Variants in PROX1 observed in about 807,000 individuals in gnomAD.
The protein encoded by PROX1 is prospero homeobox protein 1.
In PROX1, 7 loss-of-function variants were observed where a neutral mutation model predicts 58.8. That is an observed-to-expected ratio of 0.12 (90% CI 0.07 to 0.22). PROX1 has a LOEUF of 0.22. PROX1 is among the 10% of genes least tolerant of loss of function. The pLI is 1.00. For missense variants in PROX1, 675 were observed against 927.8 expected (o/e 0.73, Z 3.54); for synonymous variants, 350 against 358.3 (o/e 0.98, Z 0.26).
Position 213,998,047 on chromosome 1 carries a change from C to A in PROX1, c.1512C>A (p.Phe504Leu). 1.2e-6 allele frequency: 2 copies of A among 1,612,238 alleles called. No homozygotes were observed. The highest frequency in any genetic ancestry group is 1.7e-6 in the Non-Finnish European group (2 of 1,178,888). The change falls in exon 2 of 5, where the codon TTC (phenylalanine) becomes TTA (leucine). Residue 504 changes from phenylalanine (F) to leucine (L), a missense_variant. Phe to Leu is a conservative substitution (Grantham distance 22). Coordinates refer to ENST00000366958, the MANE Select transcript of PROX1 (RefSeq NM_001270616.2). ...QSPLGAPSGS[F>L]SGKDRASPES... Reference sequence around the variant, plus strand: ...CATTAGGTGCTCCCTCCGGCTCCTTCTCTGGAAAAGACAGAGCCTCTCCTG... The same window carrying A: ...CATTAGGTGCTCCCTCCGGCTCCTTATCTGGAAAAGACAGAGCCTCTCCTG...
rs1231912476 is a variant in PROX1 at position 214,040,327 on chromosome 1, G to GTCT, written c.*4495_*4497dup. The GTCT allele has an allele frequency of 4.6e-5, 7 of 152,158 alleles. No homozygotes were observed. Among genetic ancestry groups the GTCT allele is most frequent in the African/African-American group, 7.2e-5 (3 of 41,450 alleles). 9.4% of individuals were successfully genotyped at this position (152,158 alleles called of 1,614,324 possible). ...GAATGTGGAAGTGTCTGGACTTTGA[G>GTCT]TCTTTTCAACTGAGCCTTCTCTCAA... is the stretch of plus-strand genomic sequence containing the variant. On this transcript the variant is annotated 3_prime_UTR_variant, in exon 5 of 5. Transcript: ENST00000366958.
At chr1:214,019,118 T>G (rs888701699) in intron 4 of PROX1, among the ~76,000 whole-genome samples, 3 of 152,190 alleles carry the variant, frequency 2.0e-5, no homozygotes, top group Non-Finnish European at 4.4e-5. Flanking sequence ...CAAGAGCCAC[T>G]GGCAGGTGAC....
intron 4 of PROX1, among the ~76,000 whole-genome samples, chr1:214,026,414 G>A (rs1177661317): frequency 6.6e-6 from 1 of 152,100 alleles, no homozygotes; most frequent in Non-Finnish European, 1.5e-5. Flanking sequence ...ATCTTCTACT[G>A]GGGCTATGGA....
rs774811495 is a variant in PROX1 at position 214,005,288 on chromosome 1, A to G, written c.1833+16A>G. On this transcript the variant is annotated intron_variant, in intron 3 of 4. Coordinates refer to ENST00000366958, the MANE Select transcript of PROX1 (RefSeq NM_001270616.2). ...CGACGTAAAGGTAGGGACTTTTTTTATTCTTAATTTTTTCATTTTCTATGC... is the reference window on the plus strand; with the variant it reads ...CGACGTAAAGGTAGGGACTTTTTTTGTTCTTAATTTTTTCATTTTCTATGC... 3 of 1,576,080 alleles carry G rather than the reference A, an allele frequency of 1.9e-6. No individual in the cohort carries two copies. The South Asian group carries it at 3.4e-5, about 18-fold the overall frequency.
At chr1:213,992,777 G>A (rs900468934) in intron 1 of PROX1, among the ~76,000 whole-genome samples, 1 of 152,088 alleles carries the variant, frequency 6.6e-6, no homozygotes, top group Admixed American at 6.5e-5. Flanking sequence ...TCCAGAATCT[G>A]GACTCCAGAT....
At position 213,997,515 on chromosome 1, in the gene PROX1, G is replaced by A. The variant is rs754491554; in HGVS notation, c.980G>A (p.Arg327Gln). 4.3e-6 allele frequency: 7 copies of A among 1,614,024 alleles called. No individual in the cohort carries two copies. The South Asian group carries it at 6.6e-5, about 15-fold the overall frequency. The part of the protein sequence containing the change: ...EQEMAENKPK[R>Q]EGNNKERDHG... ...GAAATGGCTGAAAACAAGCCGAAGC[G>A]AGAAGGCAACAACAAAGAAAGAGAC... is the stretch of plus-strand genomic sequence containing the variant. Residue 327 changes from arginine (R) to glutamine (Q), a missense_variant, in exon 2 of 5, where the codon CGA becomes CAA. Coordinates refer to ENST00000366958, the MANE Select transcript of PROX1 (RefSeq NM_001270616.2). The surrounding 1 kb of genome is among the most constrained non-coding windows in gnomAD (Gnocchi z 7.1).
At chr1:214,012,464 G>A (rs1440905966) in intron 4 of PROX1, among the ~76,000 whole-genome samples, 3 of 152,212 alleles carry the variant, frequency 2.0e-5, no homozygotes, top group African/African-American at 7.2e-5. Context: ...TGAAAGATGT[G>A]TGGCTATGAG....
intron 3 of PROX1, among the ~76,000 whole-genome samples, chr1:214,005,888 G>A (rs1043743320): frequency 6.6e-6 from 1 of 152,054 alleles, no homozygotes; most frequent in African/African-American, 2.4e-5. Context: ...TACAGCTGCA[G>A]CCTCCCTCAT....
chr1:214,035,454 G>A (rs972802203), intron 4 of PROX1, among the ~76,000 whole-genome samples, 195 bp from the exon 5 acceptor site: 10 of 152,094 alleles, frequency 6.6e-5, no homozygotes, highest in Admixed American at 6.6e-4. Context: ...TTAAAACAAA[G>A]CTGTCAACCC....
upstream of PROX1, among the ~76,000 whole-genome samples, chr1:213,983,490 T>C (rs1410284789): frequency 6.6e-6 from 1 of 152,194 alleles, no homozygotes; most frequent in Non-Finnish European, 1.5e-5. Context: ...TGCGTAACTT[T>C]GCCCACTGCG....
At chr1:213,987,664 G>A (rs1662859379), upstream of PROX1, 1 of 136,980 alleles carries the variant, frequency 7.3e-6, no homozygotes, top group Non-Finnish European at 1.6e-5. Context: ...GCTCGCTCCG[G>A]CCCAGGCGCG....
chr1:214,030,671 A>G (rs934898300), intron 4 of PROX1: 6 of 152,198 alleles, frequency 3.9e-5, no homozygotes, highest in Non-Finnish European at 5.9e-5. Context: ...CTGTCTCCAG[A>G]AAATAGGAGA....
chr1:214,022,462 C>T lies in PROX1; in HGVS notation c.2028+10747C>T, dbSNP rs148407178. Among the ~76,000 whole-genome samples, 539 of 152,262 alleles carry T rather than the reference C, an allele frequency of 3.5e-3. 4 individuals are homozygous for T. Among genetic ancestry groups the T allele is most frequent in the African/African-American group, 0.012 (496 of 41,564 alleles). ...GACCCTAAATAGGAAAGTAAACAAA[C>T]GGGCAATGAGGGAGCTCTCATCAGA... On this transcript the variant is annotated intron_variant, in intron 4 of 4. Coordinates refer to ENST00000366958, the MANE Select transcript of PROX1 (RefSeq NM_001270616.2).
At position 214,040,889 on chromosome 1, in the gene PROX1, A is replaced by T. The variant is rs555653728; in HGVS notation, c.*5055A>T. ...TGATGAAGGTGTACAATTTTGTATT[A>T]CCAAGGATGTACTGTAATATTAATT... On this transcript the variant is annotated 3_prime_UTR_variant, in exon 5 of 5. Transcript: ENST00000366958. 6.6e-6 allele frequency: 1 copy of T among 152,252 alleles called. No individual in the cohort carries two copies. The highest frequency in any genetic ancestry group is 1.9e-4 in the East Asian group (1 of 5,182). The allele number at this position is 152,252 out of a possible 1,614,324, so 9.4% of individuals were successfully genotyped here. A position where few individuals can be genotyped will look rare whatever the true frequency, so the allele number is the denominator to read the frequency against.
At chr1:214,025,743 A>G (rs1346206359) in intron 4 of PROX1, among the ~76,000 whole-genome samples, 1 of 151,064 alleles carries the variant, frequency 6.6e-6, no homozygotes, top group East Asian at 1.9e-4. Context: ...GCTCACTGCA[A>G]CCTCCGCCTC....
chr1:214,011,310 T>A (rs542788846), intron 3 of PROX1, among the ~76,000 whole-genome samples: 1 of 152,270 alleles, frequency 6.6e-6, no homozygotes, highest in East Asian at 1.9e-4. Flanking sequence ...AGGTAGAGGG[T>A]TGTGATATGA....
chr1:214,036,076 C>T lies in PROX1; in HGVS notation c.*242C>T, dbSNP rs1664819259. On this transcript the variant is annotated 3_prime_UTR_variant, in exon 5 of 5. Coordinates refer to ENST00000366958, the MANE Select transcript of PROX1 (RefSeq NM_001270616.2). Reference sequence around the variant, plus strand: ...TTGCCCAAGGCCCTTAACATTTGGACACTTAAAATAGGGTTAATTTTCAGG... The same window carrying T: ...TTGCCCAAGGCCCTTAACATTTGGATACTTAAAATAGGGTTAATTTTCAGG... 3.1e-6 allele frequency: 1 copy of T among 321,034 alleles called. No homozygotes were observed. Among genetic ancestry groups the T allele is most frequent in the Non-Finnish European group, 5.7e-6 (1 of 176,756 alleles). 19.9% of individuals were successfully genotyped at this position (321,034 alleles called of 1,614,324 possible). A position where few individuals can be genotyped will look rare whatever the true frequency, so the allele number is the denominator to read the frequency against.
chr1:214,000,692 A>T (rs1241587949), intron 2 of PROX1, among the ~76,000 whole-genome samples: 2 of 152,202 alleles, frequency 1.3e-5, no homozygotes, highest in African/African-American at 4.8e-5. Context: ...TTTCTCAGGA[A>T]GAGTAAGATA....
intron 4 of PROX1, among the ~76,000 whole-genome samples, chr1:214,022,208 C>T (rs1458070875): frequency 1.3e-5 from 2 of 152,186 alleles, no homozygotes; most frequent in Admixed American, 1.3e-4. Flanking sequence ...AGCAGTGAAA[C>T]CCTGGCAAGT....
Sources: gnomAD v4.1 joint callset for allele counts (sites outside exome capture counted in the v4.1 genomes callset) on GRCh38, gnomAD v4.1.1 for gene constraint, Gnocchi (gnomAD v3.1) non-coding constraint, MANE v1.5 for transcripts, NCBI Gene and HGNC (gene_info 2026-07-23, HGNC 2026-07-21) for gene names.